Variants in PHF2 observed in about 807,000 individuals in gnomAD.
PHF2 encodes the protein lysine-specific demethylase PHF2.
A neutral mutation model predicts 120.5 loss-of-function variants in PHF2; 27 were observed. The ratio of observed to expected loss-of-function variants is 0.22; its 90% CI spans 0.17 to 0.31. The LOEUF (loss-of-function observed/expected upper bound fraction) is 0.31, where lower values mean the gene tolerates loss of function less well. Ranked by LOEUF, PHF2 falls within the 10% of genes least tolerant of loss-of-function variation. The probability of loss-of-function intolerance (pLI) is 1.00; values close to 1 mark genes in which losing one functional copy is unlikely to be tolerated. For synonymous variants in PHF2, 568 were observed against 592.5 expected, an observed-to-expected ratio of 0.96 and a Z score of 0.60; for missense variants, 1,024 against 1,434.8, an observed-to-expected ratio of 0.71 and a Z score of 4.63.
chr9:93,585,736 C>A (rs781761013), intron 1 of PHF2, among the ~76,000 whole-genome samples: 23 of 152,370 alleles, frequency 1.5e-4, no homozygotes, highest in Admixed American at 3.9e-4. Flanking sequence ...AATTCCAGAT[C>A]ACTGAGATCT....
At chr9:93,667,039 C>G (rs570969176) in intron 16 of PHF2, 41 bp from the exon 17 acceptor site, 1 of 1,554,452 alleles carries the variant, frequency 6.4e-7, no homozygotes, top group Non-Finnish European at 8.7e-7. Context: ...CTTTGGTGGC[C>G]AGACCCTCCC....
intron 1 of PHF2, among the ~76,000 whole-genome samples, chr9:93,581,018 G>T (rs536998619): frequency 1.3e-5 from 2 of 152,208 alleles, no homozygotes; most frequent in East Asian, 3.9e-4. Context: ...GTGAGGACTG[G>T]GGTCGGTAGA....
At chr9:93,577,926 A>G (rs1408082053) in intron 1 of PHF2, among the ~76,000 whole-genome samples, 1 of 152,176 alleles carries the variant, frequency 6.6e-6, no homozygotes, top group African/African-American at 2.4e-5. Flanking sequence ...GGGGCTGGCC[A>G]GGGCTGTATG....
At chr9:93,654,282 C>A (rs1270073792) in intron 6 of PHF2, 131 bp from the exon 7 acceptor site, 1 of 746,564 alleles carries the variant, frequency 1.3e-6, no homozygotes. Context: ...TTGCAAAGCA[C>A]CTGTGCCCTC....
At chr9:93,644,437 A>C (rs1826220302) in intron 3 of PHF2, among the ~76,000 whole-genome samples, 1 of 151,170 alleles carries the variant, frequency 6.6e-6, no homozygotes, top group Admixed American at 6.6e-5. Context: ...CTGGTGTGCA[A>C]AGAATTCTGG....
intron 1 of PHF2, among the ~76,000 whole-genome samples, chr9:93,609,961 C>CT (rs1825607348): frequency 6.6e-6 from 1 of 152,132 alleles, no homozygotes; most frequent in Non-Finnish European, 1.5e-5. Context: ...TCCCAAAGTG[C>CT]TAGAATTACA....
In PHF2 at chr9:93,675,030, T is replaced by C; in HGVS notation, c.2722+8T>C. Reference sequence around the variant, plus strand: ...CTCCCTACAGCCCAACAGGTAGTGCTGGGACAGGGGTAGGGGGTCCACCTG... The same window carrying C: ...CTCCCTACAGCCCAACAGGTAGTGCCGGGACAGGGGTAGGGGGTCCACCTG... On this transcript the variant is annotated splice_region_variant and intron_variant, in intron 19 of 21. Coordinates refer to ENST00000359246, the MANE Select transcript of PHF2 (RefSeq NM_005392.4). The C allele has an allele frequency of 6.2e-7, 1 of 1,609,844 alleles. No individual in the cohort carries two copies. The highest frequency in any genetic ancestry group is 8.5e-7 in the Non-Finnish European group (1 of 1,176,698).
Position 93,648,504 on chromosome 9 carries a change from T to C in PHF2, c.461-567T>C, listed in dbSNP as rs1288902483. Among the ~76,000 whole-genome samples, 4 of 152,188 alleles carry C rather than the reference T, an allele frequency of 2.6e-5. No individual in the cohort carries two copies. In the South Asian group the frequency reaches 8.3e-4, roughly 31 times the overall value. On this transcript the variant is annotated intron_variant, in intron 4 of 21. Transcript: ENST00000359246. ...GGTCAGAGCAGCCATGGAGAACTAT[T>C]GCAAAGGGCGACTGGCAATTCTGTC...
At chr9:93,605,240 C>T (rs1411604445) in intron 1 of PHF2, among the ~76,000 whole-genome samples, 1 of 152,044 alleles carries the variant, frequency 6.6e-6, no homozygotes, top group African/African-American at 2.4e-5. Context: ...TTTTTTGAAA[C>T]AGGGTCTTGC....
intron 1 of PHF2, among the ~76,000 whole-genome samples, chr9:93,600,790 A>T (rs561519044): frequency 1.3e-5 from 2 of 151,872 alleles, no homozygotes; most frequent in Admixed American, 1.3e-4. Context: ...CTGCTGCGCT[A>T]TGGGGAGGCC....
Position 93,591,842 on chromosome 9 carries a change from C to A in PHF2, c.98+14971C>A, listed in dbSNP as rs191366381. Among the ~76,000 whole-genome samples the A allele has an allele frequency of 1.2e-4, 18 of 152,314 alleles. No homozygotes were observed. In the East Asian group the frequency reaches 3.1e-3, roughly 26 times the overall value. ...CCCAGTGCCCCACAGGGACCTCAACCCCAGATGCTTGGCCGTTGCTCGGGG... is the reference window on the plus strand; with the variant it reads ...CCCAGTGCCCCACAGGGACCTCAACACCAGATGCTTGGCCGTTGCTCGGGG... On this transcript the variant is annotated intron_variant, in intron 1 of 21. Transcript: ENST00000359246.
rs116737834 is a variant in PHF2, at chr9:93,594,918, A to G, written c.98+18047A>G. 293 of 154,150 alleles carry G rather than the reference A, an allele frequency of 1.9e-3. 2 individuals carry two copies. The highest frequency in any genetic ancestry group is 6.8e-3 in the African/African-American group (283 of 41,634). The allele number at this position is 154,150 out of a possible 1,614,324, so 9.5% of individuals were successfully genotyped here. A position where few individuals can be genotyped will look rare whatever the true frequency, so the allele number is the denominator to read the frequency against. ...AGCCTAATATCATTCTGAAGGAATT[A>G]TGTATCTTCATTTGAAGAATGGAGA... is the stretch of plus-strand genomic sequence containing the variant. On this transcript the variant is annotated intron_variant, in intron 1 of 21. Coordinates refer to ENST00000359246, the MANE Select transcript of PHF2 (RefSeq NM_005392.4).
chr9:93,673,894 A>G lies in PHF2; in HGVS notation c.2626+32A>G, dbSNP rs371961365. The G allele has an allele frequency of 3.7e-4, 567 of 1,543,342 alleles. 1 individual carries two copies. Among genetic ancestry groups the G allele is most frequent in the Middle Eastern group, 7.0e-4 (4 of 5,744 alleles). On this transcript the variant is annotated intron_variant, in intron 18 of 21. Transcript: ENST00000359246. ...GTCACTCCTGCGTGGGGCAGGGCCC[A>G]TGCTCAGCCCTAGAAGGCCTGGCTG... is the stretch of plus-strand genomic sequence containing the variant.
intron 12 of PHF2, among the ~76,000 whole-genome samples, chr9:93,661,795 C>T (rs1826571856): frequency 7.2e-6 from 1 of 138,730 alleles, no homozygotes; most frequent in Non-Finnish European, 1.5e-5. Flanking sequence ...TGAATGGATG[C>T]ATGGGTGGAT....
chr9:93,577,642 C>G (rs370431189), intron 1 of PHF2, among the ~76,000 whole-genome samples: 5 of 152,326 alleles, frequency 3.3e-5, no homozygotes, highest in South Asian at 4.1e-4. Context: ...CCCCGTTTCT[C>G]TCCTCTCCGT....
At chr9:93,602,678 A>C (rs1049199410) in intron 1 of PHF2, among the ~76,000 whole-genome samples, 3 of 151,916 alleles carry the variant, frequency 2.0e-5, no homozygotes, top group African/African-American at 4.8e-5. Context: ...AGCTGTATGG[A>C]CATCTCTGCC....
In PHF2 at chr9:93,649,384, T is replaced by TCC; in HGVS notation, c.602+172_602+173insCC. ...CTTTTAAATTTTTTCCTTTTTTTTTTTTTTTTTTTTTTTTATAAGACTGGC... is the reference window on the plus strand; with the variant it reads ...CTTTTAAATTTTTTCCTTTTTTTTTTCCTTTTTTTTTTTTTTATAAGACTGGC... On this transcript the variant is annotated intron_variant, in intron 5 of 21. Transcript: ENST00000359246. Among the ~76,000 whole-genome samples the TCC allele has an allele frequency of 4.0e-5, 6 of 149,158 alleles. 1 individual carries two copies. The highest frequency in any genetic ancestry group is 4.0e-4 in the Admixed American group (6 of 15,088).
chr9:93,674,709 T>A (rs917380280), intron 18 of PHF2, among the ~76,000 whole-genome samples: 1 of 152,122 alleles, frequency 6.6e-6, no homozygotes, highest in Non-Finnish European at 1.5e-5. Flanking sequence ...GGAGAGTCCC[T>A]GCCCCTCTGG....
chr9:93,617,591 C>T (rs909585500), intron 1 of PHF2, among the ~76,000 whole-genome samples: 4 of 152,148 alleles, frequency 2.6e-5, no homozygotes, highest in African/African-American at 9.7e-5. Context: ...TTTTCTTGGC[C>T]GTTTCCTGTG....
Sources: allele counts gnomAD v4.1 joint callset (sites outside exome capture counted in the v4.1 genomes callset), GRCh38; gene constraint gnomAD v4.1.1; transcripts MANE v1.5; gene names NCBI Gene and HGNC (gene_info 2026-07-23, HGNC 2026-07-21).